Variants in PDCD11 observed in about 807,000 individuals in gnomAD.
PDCD11 encodes programmed cell death 11.
In PDCD11, 97 loss-of-function variants were observed where a neutral mutation model predicts 198.9. The ratio of observed to expected loss-of-function variants is 0.49; its 90% CI spans 0.41 to 0.58. The LOEUF is 0.58. Among genes scored for constraint, PDCD11 ranks in the 20% least tolerant of loss-of-function variants. The pLI, the probability that PDCD11 is intolerant of heterozygous loss-of-function variation, is 0.00. For missense variants in PDCD11, 2,102 were observed against 2,312.7 expected (o/e 0.91, Z 1.87); for synonymous variants, 893 against 918.0 (o/e 0.97, Z 0.49).
In PDCD11 at chr10:103,434,870, C is replaced by T; in HGVS notation, c.3740C>T (p.Thr1247Ile). ...AAGGTGACTCCCAACGAGGGGCTGACCGTCTCCTTCCCCTTTGGGAAGATA... is the reference window on the plus strand; with the variant it reads ...AAGGTGACTCCCAACGAGGGGCTGATCGTCTCCTTCCCCTTTGGGAAGATA... ...VVKVTPNEGL[T>I]VSFPFGKIGT... Residue 1247 changes from threonine (T) to isoleucine (I), a missense_variant, in exon 25 of 36, where the codon ACC (threonine) becomes ATC (isoleucine). By Grantham distance (89) the Thr-to-Ile change is moderately conservative (BLOSUM62 -1). Coordinates refer to ENST00000369797, the MANE Select transcript of PDCD11 (RefSeq NM_014976.2). 1 of 1,613,084 alleles carries T rather than the reference C, an allele frequency of 6.2e-7. No individual in the cohort carries two copies. The highest frequency in any genetic ancestry group is 2.2e-5 in the East Asian group (1 of 44,734).
chr10:103,416,862 T>G, intron 13 of PDCD11, 120 bp downstream of exon 13: 1 of 1,129,580 alleles, frequency 8.9e-7, no homozygotes, highest in Non-Finnish European at 1.3e-6. Flanking sequence ...CATGGGGCAG[T>G]GGGTGTGAGC....
At chr10:103,404,818 A>G (rs2030347439) in intron 4 of PDCD11, among the ~76,000 whole-genome samples, 1 of 152,174 alleles carries the variant, frequency 6.6e-6, no homozygotes, top group Admixed American at 6.5e-5. Context: ...AGTTATGTGG[A>G]AATATTTGAA....
chr10:103,418,281 C>T (rs1164907197), intron 14 of PDCD11, among the ~76,000 whole-genome samples, 159 bp from the exon 15 acceptor site: 1 of 152,144 alleles, frequency 6.6e-6, no homozygotes, highest in Non-Finnish European at 1.5e-5. Flanking sequence ...CACGTACATG[C>T]ATGCTGGGTG....
chr10:103,419,114 T>G (rs1287851993), intron 15 of PDCD11, among the ~76,000 whole-genome samples: 1 of 151,882 alleles, frequency 6.6e-6, no homozygotes, highest in Non-Finnish European at 1.5e-5. Context: ...GGAGTAAAAA[T>G]GGGCAGAGGA....
Position 103,424,997 on chromosome 10 carries a change from G to A in PDCD11, c.2777G>A (p.Ser926Asn), listed in dbSNP as rs780916889. ...TCTCTCTTCTAGCTGAGGAAAGGCA[G>A]CGAACACCAGGCGATTGTGCAGCAC... ...NRKARKLRKG[S>N]EHQAIVQHLE... Residue 926 changes from serine (S) to asparagine (N), a missense_variant, in exon 20 of 36, where the codon AGC becomes AAC. By Grantham distance (46) the Ser-to-Asn change is conservative (BLOSUM62 1). Transcript: ENST00000369797. 14 of 1,614,084 alleles carry A rather than the reference G, an allele frequency of 8.7e-6. No individual in the cohort carries two copies. Among genetic ancestry groups the A allele is most frequent in the East Asian group, 6.7e-5 (3 of 44,860 alleles).
Position 103,418,538 on chromosome 10 carries a change from G to A in PDCD11, c.2010G>A (p.Ser670=), listed in dbSNP as rs141435496. Residue 670 remains serine (S), a synonymous_variant, in exon 15 of 36, where the codon TCG becomes TCA. Transcript: ENST00000369797. ...CTTTCCTCCCCACATCTCATCTGTC[G>A]GACCACGTTGCCAACGGCCCATTGT... ...IRAFLPTSHL[S]DHVANGPLLH... is the part of the protein sequence containing the mutation. The A allele has an allele frequency of 2.0e-4, 316 of 1,614,116 alleles. 1 individual carries two copies. Among genetic ancestry groups the A allele is most frequent in the East Asian group, 3.8e-4 (17 of 44,884 alleles).
At chr10:103,400,362 T>C (rs1210326147) in intron 2 of PDCD11, 35 bp from the exon 3 acceptor site, 4 of 1,591,528 alleles carry the variant, frequency 2.5e-6, no homozygotes, top group Non-Finnish European at 2.6e-6. Context: ...TCTTATTCTT[T>C]TGGGTCTTTG....
intron 21 of PDCD11, among the ~76,000 whole-genome samples, chr10:103,428,189 G>C (rs957954971): frequency 3.3e-5 from 5 of 151,834 alleles, no homozygotes; most frequent in Non-Finnish European, 5.9e-5. Context: ...CTTGTAATCC[G>C]AGCTACTTGG....
chr10:103,398,935 A>G (rs2093450498), intron 2 of PDCD11, among the ~76,000 whole-genome samples: 1 of 152,062 alleles, frequency 6.6e-6, no homozygotes, highest in Admixed American at 6.6e-5. Flanking sequence ...AATTGCTTGA[A>G]CCAAGAAGGT....
chr10:103,405,688 G>A (rs923936454), intron 5 of PDCD11, among the ~76,000 whole-genome samples: 6 of 152,160 alleles, frequency 3.9e-5, no homozygotes, highest in Admixed American at 2.6e-4. Context: ...GAGCCACTGT[G>A]CCCTGCCGAA....
rs1344400825 is a variant in PDCD11 at position 103,406,120 on chromosome 10, A to G, written c.688+12A>G. ...ACAGAAGAACAAAGGTGAGGGCAAGAAAAGGGGCCAGTACATGGTGGTGAG... is the reference window on the plus strand; with the variant it reads ...ACAGAAGAACAAAGGTGAGGGCAAGGAAAGGGGCCAGTACATGGTGGTGAG... On this transcript the variant is annotated intron_variant, in intron 6 of 35. Transcript: ENST00000369797. The G allele has an allele frequency of 2.5e-6, 4 of 1,613,778 alleles. No individual in the cohort carries two copies. In the East Asian group the frequency reaches 8.9e-5, roughly 36 times the overall value.
intron 2 of PDCD11, among the ~76,000 whole-genome samples, chr10:103,400,167 T>C (rs1306096038): frequency 6.6e-6 from 1 of 151,632 alleles, no homozygotes; most frequent in East Asian, 1.9e-4. Context: ...GAAGAGACTT[T>C]GGGAACATGA....
chr10:103,433,612 A>T (rs1207837517), intron 22 of PDCD11, among the ~76,000 whole-genome samples: 1 of 152,238 alleles, frequency 6.6e-6, no homozygotes, highest in Non-Finnish European at 1.5e-5. Flanking sequence ...GATGGTTAAC[A>T]ATCGCTGGGC....
rs761692296 is a variant in PDCD11 at position 103,445,568 on chromosome 10, G to T, written c.*19G>T. The T allele has an allele frequency of 8.1e-6, 13 of 1,610,146 alleles. No individual in the cohort carries two copies. Among genetic ancestry groups the T allele is most frequent in the Non-Finnish European group, 1.1e-5 (13 of 1,178,458 alleles). Reference sequence around the variant, plus strand: ...GGACTAGTGGCAGGCTGGCTCTGTGGGACACTGTCAACAATGGGCCAGCCC... The same window carrying T: ...GGACTAGTGGCAGGCTGGCTCTGTGTGACACTGTCAACAATGGGCCAGCCC... On this transcript the variant is annotated 3_prime_UTR_variant, in exon 36 of 36. Coordinates refer to ENST00000369797, the MANE Select transcript of PDCD11 (RefSeq NM_014976.2).
chr10:103,409,823 C>G lies in PDCD11; in HGVS notation c.978+17C>G. 1.3e-6 allele frequency: 2 copies of G among 1,578,904 alleles called. No homozygotes were observed. Among genetic ancestry groups the G allele is most frequent in the Non-Finnish European group, 1.7e-6 (2 of 1,147,844 alleles). ...AATCAGGCAGTAAGAAATGTTGAGC[C>G]TATATTTTCTTGATTCCAGTTGTGG... is the stretch of plus-strand genomic sequence containing the variant. On this transcript the variant is annotated intron_variant, in intron 8 of 35. Coordinates refer to ENST00000369797, the MANE Select transcript of PDCD11 (RefSeq NM_014976.2).
intron 1 of PDCD11, among the ~76,000 whole-genome samples, chr10:103,396,950 C>T (rs1191150723): frequency 1.3e-5 from 2 of 152,132 alleles, no homozygotes; most frequent in South Asian, 4.1e-4. Flanking sequence ...CTTTTCAGAG[C>T]CTCAGTTTCC....
rs923122775 is a variant in PDCD11, at chr10:103,414,215, T to G, written c.1311-55T>G. The stretch of plus-strand genomic sequence containing the variant: ...CCAGCATGCCTGTGGTAGCCCTGAA[T>G]TTTAGGCAACCTCTGCCCTAGTTTA... On this transcript the variant is annotated intron_variant, in intron 10 of 35. Coordinates refer to ENST00000369797, the MANE Select transcript of PDCD11 (RefSeq NM_014976.2). 2.9e-5 allele frequency: 46 copies of G among 1,590,186 alleles called. No individual in the cohort carries two copies. In the African/African-American group the frequency reaches 5.9e-4, roughly 21 times the overall value.
chr10:103,409,868 C>A, intron 8 of PDCD11, 62 bp downstream of exon 8: 1 of 1,199,816 alleles, frequency 8.3e-7, no homozygotes, highest in Non-Finnish European at 1.2e-6. Flanking sequence ...TGTCCAGTAT[C>A]ACAGCTAGCT....
intron 17 of PDCD11, among the ~76,000 whole-genome samples, chr10:103,421,830 G>A (rs1241988371): frequency 6.6e-6 from 1 of 150,860 alleles, no homozygotes; most frequent in African/African-American, 2.4e-5. Context: ...AGCCGGGCGC[G>A]GTGGCGGGCG....
Sources: gnomAD v4.1 joint callset for allele counts (sites outside exome capture counted in the v4.1 genomes callset) on GRCh38, gnomAD v4.1.1 for gene constraint, MANE v1.5 for transcripts, NCBI Gene and HGNC (gene_info 2026-07-23, HGNC 2026-07-21) for gene names.